Variants in SOCS7 observed in about 807,000 individuals in gnomAD.
The protein encoded by SOCS7 is NAP-4.
In SOCS7, 18 loss-of-function variants were observed where a neutral mutation model predicts 58.9. The observed-to-expected ratio is 0.31, with a 90% CI of 0.21 to 0.45. The LOEUF is 0.45. Among genes scored for constraint, SOCS7 ranks in the 20% least tolerant of loss-of-function variants. The probability of loss-of-function intolerance (pLI) is 1.00; values close to 1 mark genes in which losing one functional copy is unlikely to be tolerated. For synonymous variants in SOCS7, 388 were observed against 364.3 expected, an observed-to-expected ratio of 1.06 and a Z score of -0.74; for missense variants, 667 against 837.3, an observed-to-expected ratio of 0.80 and a Z score of 2.51.
At chr17:38,389,863 G>GTGTATATATATA in intron 7 of SOCS7, among the ~76,000 whole-genome samples, 1,519 of 22,374 alleles carry the variant, frequency 0.068, 302 homozygotes, top group South Asian at 0.11. Flanking sequence ...GTGTGTATGT[G>GTGTATATATATA]TGTACATATA....
At chr17:38,394,498 A>G (rs376905372) in intron 7 of SOCS7, among the ~76,000 whole-genome samples, 1 of 151,134 alleles carries the variant, frequency 6.6e-6, no homozygotes, top group African/African-American at 2.4e-5. Flanking sequence ...TCCCTGCTGA[A>G]CCAGCCTCTC....
intron 4 of SOCS7, 34 bp from the exon 5 acceptor site, chr17:38,366,253 G>A (rs2037787950): frequency 2.5e-6 from 4 of 1,609,294 alleles, no homozygotes; most frequent in Non-Finnish European, 2.5e-6. Flanking sequence ...AGCAGTGAGG[G>A]TAAACAAGTG....
chr17:38,368,509 T>TC (rs1308674438), intron 6 of SOCS7, among the ~76,000 whole-genome samples: 1 of 151,588 alleles, frequency 6.6e-6, no homozygotes, highest in Non-Finnish European at 1.5e-5. Flanking sequence ...TTTCTTTCTT[T>TC]TTTTTTTTTT....
chr17:38,395,398 C>T lies in SOCS7; in HGVS notation c.1771C>T (p.Arg591Ter), dbSNP rs1259278094. The change falls in exon 8 of 10, where the codon CGA (arginine) becomes TGA (stop). Residue 591 changes from arginine (R) to a stop codon, truncating the protein, a stop_gained. Coordinates refer to ENST00000612932, the MANE Select transcript of SOCS7 (RefSeq NM_014598.4). LOFTEE classifies it high-confidence loss of function. ...CCAGCACCTTTGCAGATTCCGGATA[C>T]GACAGCTCGTCAGGATAGATCACAT... ...SLQHLCRFRI[R>*]QLVRIDHIPD... 2 of 1,614,108 alleles carry T rather than the reference C, an allele frequency of 1.2e-6. No individual in the cohort carries two copies. Among genetic ancestry groups the T allele is most frequent in the Non-Finnish European group, 8.5e-7 (1 of 1,179,988 alleles).
intron 1 of SOCS7, among the ~76,000 whole-genome samples, chr17:38,355,258 G>A (rs1010499863): frequency 2.6e-5 from 4 of 152,174 alleles, no homozygotes; most frequent in Admixed American, 2.6e-4. Context: ...AAATGGGTGA[G>A]CGTTGACTGT....
chr17:38,391,465 A>G (rs139545256), intron 7 of SOCS7, among the ~76,000 whole-genome samples: 92 of 152,234 alleles, frequency 6.0e-4, no homozygotes, highest in African/African-American at 2.2e-3. Context: ...ATCATAGCTC[A>G]CTGCAGCCTC....
intron 6 of SOCS7, among the ~76,000 whole-genome samples, chr17:38,373,136 A>G (rs555009385): frequency 2.0e-5 from 3 of 152,160 alleles, no homozygotes; most frequent in Admixed American, 1.3e-4. Flanking sequence ...AAAGAAAAGC[A>G]TACCTATAGA....
chr17:38,379,109 GA>G (rs2037967371), intron 7 of SOCS7, among the ~76,000 whole-genome samples: 1 of 144,580 alleles, frequency 6.9e-6, no homozygotes, highest in Non-Finnish European at 1.5e-5. Context: ...AATGAGCCAA[GA>G]TTACGTCACT....
At chr17:38,377,283 A>C (rs550755256) in intron 6 of SOCS7, among the ~76,000 whole-genome samples, 1 of 152,326 alleles carries the variant, frequency 6.6e-6, no homozygotes, top group African/African-American at 2.4e-5. Flanking sequence ...CTGAAATCCA[A>C]AATGCTTAAA....
At position 38,404,731 on chromosome 17, in the gene SOCS7, C is replaced by T. The variant is rs2038368186; in HGVS notation, c.*5249C>T. On this transcript the variant is annotated 3_prime_UTR_variant, in exon 10 of 10. Coordinates refer to ENST00000612932, the MANE Select transcript of SOCS7 (RefSeq NM_014598.4). The stretch of plus-strand genomic sequence containing the variant: ...CAGAGTTTCGTCCTGAGCTCCCTAA[C>T]CAGCTCAGGTGGAGCAGAAGCCTGC... The T allele has an allele frequency of 6.6e-6, 1 of 152,326 alleles. No individual in the cohort carries two copies. The highest frequency in any genetic ancestry group is 2.4e-5 in the African/African-American group (1 of 41,476). 9.4% of individuals were successfully genotyped at this position (152,326 alleles called of 1,614,324 possible).
chr17:38,355,736 C>A (rs1419980283), intron 1 of SOCS7, among the ~76,000 whole-genome samples: 1 of 152,144 alleles, frequency 6.6e-6, no homozygotes, highest in Admixed American at 6.5e-5. Flanking sequence ...CCAACATCTG[C>A]CTTCCTACAA....
Position 38,399,528 on chromosome 17 carries a change from G to T in SOCS7, c.*46G>T, listed in dbSNP as rs1027366386. ...TTCTACCTAGGCATTTGGTTGCCAAGCTCCAGCTTTGAAGAACCAAATTAA... is the reference window on the plus strand; with the variant it reads ...TTCTACCTAGGCATTTGGTTGCCAATCTCCAGCTTTGAAGAACCAAATTAA... On this transcript the variant is annotated 3_prime_UTR_variant, in exon 10 of 10. Coordinates refer to ENST00000612932, the MANE Select transcript of SOCS7 (RefSeq NM_014598.4). 2 of 152,628 alleles carry T rather than the reference G, an allele frequency of 1.3e-5. No individual in the cohort carries two copies. The highest frequency in any genetic ancestry group is 4.8e-5 in the African/African-American group (2 of 41,440). 9.5% of individuals were successfully genotyped at this position (152,628 alleles called of 1,614,324 possible).
chr17:38,377,227 A>G (rs758012016), intron 6 of SOCS7, among the ~76,000 whole-genome samples: 2 of 152,260 alleles, frequency 1.3e-5, no homozygotes, highest in East Asian at 3.8e-4. Context: ...ACAATTTTAT[A>G]TCATTTTTTC....
intron 6 of SOCS7, among the ~76,000 whole-genome samples, chr17:38,368,538 G>C (rs2037821685): frequency 6.7e-6 from 1 of 149,916 alleles, no homozygotes; most frequent in East Asian, 1.9e-4. Flanking sequence ...GTCTCGCTCT[G>C]TTGCCTAGGC....
chr17:38,389,868 C>T (rs1555571069), intron 7 of SOCS7, among the ~76,000 whole-genome samples: 5,299 of 17,586 alleles, frequency 0.3, 972 homozygotes, highest in East Asian at 0.6. Flanking sequence ...TATGTGTGTA[C>T]ATATATATAT....
rs576135343 is a variant in SOCS7 at position 38,372,974 on chromosome 17, C to T, written c.1553-4740C>T. Among the ~76,000 whole-genome samples the T allele has an allele frequency of 1.2e-4, 18 of 152,060 alleles. 1 individual carries two copies. The highest frequency in any genetic ancestry group is 4.1e-4 in the African/African-American group (17 of 41,470). On this transcript the variant is annotated intron_variant, in intron 6 of 9. Transcript: ENST00000612932. ...ATACAAAATTAGCCGTGTGTGGTGG[C>T]GCATGCCTATAATCCCAGCTACTCA...
intron 1 of SOCS7, among the ~76,000 whole-genome samples, chr17:38,358,484 T>C (rs2037669800): frequency 6.6e-6 from 1 of 152,138 alleles, no homozygotes. Flanking sequence ...TAGAATGTTA[T>C]CAGTACCTTT....
At chr17:38,353,889 G>A (rs1278784792) in intron 1 of SOCS7, among the ~76,000 whole-genome samples, 1 of 152,236 alleles carries the variant, frequency 6.6e-6, no homozygotes, top group Non-Finnish European at 1.5e-5. Flanking sequence ...TCGTGCCACT[G>A]CACTCCAGCT....
rs1482535213 is a variant in SOCS7 at position 38,402,835 on chromosome 17, T to C, written c.*3353T>C. 1 of 152,192 alleles carries C rather than the reference T, an allele frequency of 6.6e-6. No homozygotes were observed. The highest frequency in any genetic ancestry group is 1.5e-5 in the Non-Finnish European group (1 of 68,038). 9.4% of individuals were successfully genotyped at this position (152,192 alleles called of 1,614,324 possible). ...ATTCCTAAGTTGTGGGTGGGTGATA[T>C]CAGTGGCCTCAGTGCCTGCATAACC... is the stretch of plus-strand genomic sequence containing the variant. On this transcript the variant is annotated 3_prime_UTR_variant, in exon 10 of 10. Coordinates refer to ENST00000612932, the MANE Select transcript of SOCS7 (RefSeq NM_014598.4).
Sources: gnomAD v4.1 joint callset for allele counts (sites outside exome capture counted in the v4.1 genomes callset) on GRCh38, gnomAD v4.1.1 for gene constraint, MANE v1.5 for transcripts, NCBI Gene and HGNC (gene_info 2026-07-23, HGNC 2026-07-21) for gene names.